The following RND3 variants were observed in gnomAD, a reference collection of about 807,000 sequenced individuals.
The protein encoded by RND3 is Rho family GTPase 3.
In RND3, 8 loss-of-function variants were observed where a neutral mutation model predicts 26.5. That is an observed-to-expected ratio of 0.30 (90% confidence interval 0.18 to 0.54). The LOEUF is 0.54. Among genes scored for constraint, RND3 ranks in the 20% least tolerant of loss-of-function variants. The pLI is 0.94. For missense variants in RND3, 207 were observed against 302.8 expected, an observed-to-expected ratio of 0.68 and a Z score of 2.35; for synonymous variants, 113 against 113.0, an observed-to-expected ratio of 1.00 and a Z score of 0.00.
At chr2:150,475,016 G>C (rs368625453) in intron 3 of RND3, 32 bp from the exon 4 acceptor site, 70 of 1,363,274 alleles carry the variant, frequency 5.1e-5, no homozygotes, top group Non-Finnish European at 7.2e-5. Context: ...CAAATTTTCA[G>C]ATGAGAGTCC....
At chr2:150,478,073 C>T (rs983746436) in intron 3 of RND3, among the ~76,000 whole-genome samples, 5 of 151,916 alleles carry the variant, frequency 3.3e-5, no homozygotes, top group African/African-American at 1.2e-4. Flanking sequence ...TTTATCTTGT[C>T]TTAGATAGAA....
chr2:150,476,392 A>G (rs1457046458), intron 3 of RND3, among the ~76,000 whole-genome samples: 1 of 152,208 alleles, frequency 6.6e-6, no homozygotes, highest in Non-Finnish European at 1.5e-5. Context: ...CTATTCACAC[A>G]GTACACTCTG....
intron 3 of RND3, among the ~76,000 whole-genome samples, chr2:150,477,889 C>G (rs924766734): frequency 6.6e-6 from 1 of 152,150 alleles, no homozygotes; most frequent in Non-Finnish European, 1.5e-5. Context: ...TGATCCCATT[C>G]TATTACTTTT....
Position 150,482,567 on chromosome 2 carries a change from G to A in RND3, c.238+4127C>T, listed in dbSNP as rs368804288. On this transcript the variant is annotated intron_variant, in intron 3 of 5. Coordinates refer to ENST00000263895, the MANE Select transcript of RND3 (RefSeq NM_005168.5). ...AAATATTTTTTAGGAAAATGAAGAA[G>A]TTATGGGCCTTAAAAATTCCCTCTT... 9.9e-5 allele frequency among the ~76,000 whole-genome samples: 15 copies of A among 152,284 alleles called. 1 individual carries two copies. In the South Asian group the frequency reaches 3.1e-3, roughly 32 times the overall value.
At position 150,470,086 on chromosome 2, in the gene RND3, T is replaced by G. The variant is rs1189903110; in HGVS notation, c.636A>C (p.Arg212Ser). 1 of 1,614,118 alleles carries G rather than the reference T, an allele frequency of 6.2e-7. No homozygotes were observed. The highest frequency in any genetic ancestry group is 1.1e-5 in the South Asian group (1 of 91,088). The change falls in exon 6 of 6, where the codon AGA (arginine) becomes AGC (serine). Residue 212 changes from arginine (R) to serine (S), a missense_variant. Arg to Ser is a moderately radical substitution (Grantham distance 110). Coordinates refer to ENST00000263895, the MANE Select transcript of RND3 (RefSeq NM_005168.5). Reference sequence around the variant, plus strand: ...GCATGTGTGAAATCCGCTTTGTGGCTCTCTGTGATTTGTTCCGCTTAACGT... The same window carrying G: ...GCATGTGTGAAATCCGCTTTGTGGCGCTCTGTGATTTGTTCCGCTTAACGT... The part of the protein sequence containing the change: ...NKNVKRNKSQ[R>S]ATKRISHMPS...
chr2:150,482,530 T>C (rs1296050943), intron 3 of RND3, among the ~76,000 whole-genome samples: 3 of 152,190 alleles, frequency 2.0e-5, no homozygotes, highest in Non-Finnish European at 1.5e-5. Context: ...AGAATGTTCA[T>C]TTTATAATGA....
At position 150,487,605 on chromosome 2, in the gene RND3, C is replaced by T. The variant is rs1686410299; in HGVS notation, c.-95G>A. ...CGAGAGGAGCAGGCTGGTTACTCCC[C>T]TCCAACAAGTTTTAAGCCTGACTCC... On this transcript the variant is annotated 5_prime_UTR_variant, in exon 1 of 6. Coordinates refer to ENST00000263895, the MANE Select transcript of RND3 (RefSeq NM_005168.5). 1 of 165,506 alleles carries T rather than the reference C, an allele frequency of 6.0e-6. No individual in the cohort carries two copies. The highest frequency in any genetic ancestry group is 6.4e-5 in the Admixed American group (1 of 15,640). The allele number at this position is 165,506 out of a possible 1,614,324, so 10.3% of individuals were successfully genotyped here. A position where few individuals can be genotyped will look rare whatever the true frequency, so the allele number is the denominator to read the frequency against.
At position 150,470,063 on chromosome 2, in the gene RND3, A is replaced by G; in HGVS notation, c.659T>C (p.Met220Thr). 2 of 1,614,086 alleles carry G rather than the reference A, an allele frequency of 1.2e-6. No homozygotes were observed. The highest frequency in any genetic ancestry group is 2.2e-5 in the South Asian group (2 of 91,082). ...TGCCGAGAGTTCTGGTCTGCTAGGCATGTGTGAAATCCGCTTTGTGGCTCT... is the reference window on the plus strand; with the variant it reads ...TGCCGAGAGTTCTGGTCTGCTAGGCGTGTGTGAAATCCGCTTTGTGGCTCT... ...SQRATKRISH[M>T]PSRPELSAVA... Residue 220 changes from methionine (M) to threonine (T), a missense_variant, in exon 6 of 6, where the codon ATG (methionine) becomes ACG (threonine). By Grantham distance (81) the Met-to-Thr change is moderately conservative. Coordinates refer to ENST00000263895, the MANE Select transcript of RND3 (RefSeq NM_005168.5).
In RND3 at chr2:150,486,734, G is replaced by A. The variant is rs1461213852; in HGVS notation, c.198C>T (p.Ile66=). 24 of 1,613,608 alleles carry A rather than the reference G, an allele frequency of 1.5e-5. No homozygotes were observed. In the East Asian group the frequency reaches 5.3e-4, roughly 36 times the overall value. The part of the protein sequence containing the change: ...VFENYTASFE[I]DTQRIELSLW... The stretch of plus-strand genomic sequence containing the variant: ...GGCTCAACTCTATTCTTTGTGTGTC[G>A]ATTTCAAAACTGGCCGTGTAATTCT... Residue 66 remains isoleucine, a synonymous_variant, in exon 3 of 6, where the codon ATC becomes ATT. Transcript: ENST00000263895. This position sits in a 1 kb window ranked among gnomAD's most constrained non-coding sequence, Gnocchi z 4.5.
intron 3 of RND3, among the ~76,000 whole-genome samples, chr2:150,480,360 C>T (rs886303930): frequency 6.6e-6 from 1 of 152,144 alleles, no homozygotes; most frequent in African/African-American, 2.4e-5. Flanking sequence ...AAAATGTTTG[C>T]TTTGCCAAGG....
intron 3 of RND3, 198 bp from the exon 4 acceptor site, chr2:150,475,182 G>A (rs894235875): frequency 1.7e-5 from 8 of 469,256 alleles, no homozygotes; most frequent in Non-Finnish European, 1.9e-5. Flanking sequence ...CCTCACATGT[G>A]TCTGACATAA....
chr2:150,470,042 G>A lies in RND3; in HGVS notation c.680C>T (p.Ser227Leu), dbSNP rs762217114. The change falls in exon 6 of 6, where the codon TCG (serine) becomes TTG (leucine). Residue 227 changes from serine (S) to leucine (L), a missense_variant. Transcript: ENST00000263895. ...CTTTCGTAAGTCCGTAGCAACTGCCGAGAGTTCTGGTCTGCTAGGCATGTG... is the reference window on the plus strand; with the variant it reads ...CTTTCGTAAGTCCGTAGCAACTGCCAAGAGTTCTGGTCTGCTAGGCATGTG... ...ISHMPSRPEL[S>L]AVATDLRKDK... is the part of the protein sequence containing the mutation. 8 of 1,613,838 alleles carry A rather than the reference G, an allele frequency of 5.0e-6. No individual in the cohort carries two copies. The highest frequency in any genetic ancestry group is 2.7e-5 in the African/African-American group (2 of 74,908).
Position 150,470,054 on chromosome 2 carries a change from C to A in RND3, c.668G>T (p.Arg223Ile). 6.2e-7 allele frequency: 1 copy of A among 1,614,036 alleles called. No individual in the cohort carries two copies. Among genetic ancestry groups the A allele is most frequent in the Non-Finnish European group, 8.5e-7 (1 of 1,179,924 alleles). The change falls in exon 6 of 6, where the codon AGA becomes ATA. Residue 223 changes from arginine (R) to isoleucine (I), a missense_variant. Physicochemically the swap from Arg to Ile is moderately conservative, Grantham distance 97. Transcript: ENST00000263895. ...CGTAGCAACTGCCGAGAGTTCTGGT[C>A]TGCTAGGCATGTGTGAAATCCGCTT... ...ATKRISHMPS[R>I]PELSAVATDL...
At chr2:150,470,324 C>A in intron 5 of RND3, 86 bp from the exon 6 acceptor site, 6 of 1,392,278 alleles carry the variant, frequency 4.3e-6, no homozygotes, top group Non-Finnish European at 4.9e-6. Context: ...AAAATAATAA[C>A]ACATTGCAAA....
intron 3 of RND3, among the ~76,000 whole-genome samples, chr2:150,475,641 A>G (rs750169897): frequency 6.6e-6 from 1 of 152,218 alleles, no homozygotes; most frequent in African/African-American, 2.4e-5. Context: ...AAACCACATC[A>G]GTGTTACCCA....
At chr2:150,482,528 C>A (rs62169674) in intron 3 of RND3, among the ~76,000 whole-genome samples, 1,854 of 152,214 alleles carry the variant, frequency 0.012, 25 homozygotes, top group Non-Finnish European at 0.023. Flanking sequence ...TAAGAATGTT[C>A]ATTTTATAAT....
At chr2:150,477,387 C>T (rs1040694746) in intron 3 of RND3, among the ~76,000 whole-genome samples, 6 of 152,204 alleles carry the variant, frequency 3.9e-5, no homozygotes, top group East Asian at 1.9e-4. Context: ...TTAGGAAAAG[C>T]GATTGAAGAA....
rs1348555628 is a variant in RND3, at chr2:150,487,327, C to T, written c.91G>A (p.Asp31Asn). The T allele has an allele frequency of 3.7e-6, 6 of 1,605,912 alleles. No homozygotes were observed. Among genetic ancestry groups the T allele is most frequent in the South Asian group, 1.1e-5 (1 of 90,366 alleles). Residue 31 changes from aspartate (D) to asparagine (N), a missense_variant, in exon 2 of 6, where the codon GAC becomes AAC. By Grantham distance (23) the Asp-to-Asn change is conservative. Coordinates refer to ENST00000263895, the MANE Select transcript of RND3 (RefSeq NM_005168.5). ...AGCGCAGTTTTTCCACACTGACTGT[C>T]TCCCACCACAACTATCTTGCATTTC... The part of the protein sequence containing the change: ...NVKCKIVVVG[D>N]SQCGKTALLH...
At chr2:150,470,287 A>C (rs201073573) in intron 5 of RND3, 49 bp from the exon 6 acceptor site, 94 of 1,581,402 alleles carry the variant, frequency 5.9e-5, no homozygotes, top group Non-Finnish European at 8.1e-5. Context: ...CTTTGGGGGA[A>C]AGTTAGCTAG....
Sources: gnomAD v4.1 joint callset for allele counts (sites outside exome capture counted in the v4.1 genomes callset) on GRCh38, gnomAD v4.1.1 for gene constraint, Gnocchi (gnomAD v3.1) non-coding constraint, MANE v1.5 for transcripts, NCBI Gene and HGNC (gene_info 2026-07-23, HGNC 2026-07-21) for gene names.